ANXA8: variants seen among roughly 807,000 people sequenced by gnomAD.
ANXA8 encodes the protein VAC-beta.
A neutral mutation model predicts 26.8 loss-of-function variants in ANXA8; 9 were observed. The observed-to-expected ratio is 0.34, with a 90% CI of 0.20 to 0.59. ANXA8 has a LOEUF of 0.59. ANXA8 is among the 20% of genes least tolerant of loss of function. ANXA8 has a pLI of 0.84. For missense variants in ANXA8, 83 were observed against 238.5 expected (o/e 0.35, Z 4.29); for synonymous variants, 39 against 94.8 (o/e 0.41, Z 3.42).
the ANXA8 span, chr10:47,491,644 C>T: frequency 5.6e-5 from 86 of 1,540,506 alleles, 1 homozygote; most frequent in Admixed American, 2.4e-4. Flanking sequence ...GCCAGGCCCT[C>T]GGCAGCCAGC....
At chr10:47,988,806 C>T in the ANXA8 span, among the ~76,000 whole-genome samples, 8 of 151,902 alleles carry the variant, frequency 5.3e-5, no homozygotes, top group Non-Finnish European at 1.2e-4. Flanking sequence ...CTACTAGGCT[C>T]TCCTGTTCCC....
At chr10:47,735,543 G>A in the ANXA8 span, among the ~76,000 whole-genome samples, 1 of 146,398 alleles carries the variant, frequency 6.8e-6, no homozygotes, top group Non-Finnish European at 1.5e-5. Context: ...TTTTGTACAT[G>A]TGTCTGCTTT....
At chr10:47,952,005 G>C in the ANXA8 span, among the ~76,000 whole-genome samples, 1 of 150,302 alleles carries the variant, frequency 6.7e-6, no homozygotes, top group Non-Finnish European at 1.5e-5. Flanking sequence ...AGAAAACCCA[G>C]GTGATGATCT....
At chr10:47,511,148 T>C in the ANXA8 span, among the ~76,000 whole-genome samples, 1 of 133,802 alleles carries the variant, frequency 7.5e-6, no homozygotes, top group Admixed American at 7.6e-5. Context: ...TTTCACCGTG[T>C]TAGCCAGGAT....
At chr10:47,541,284 C>T in the ANXA8 span, among the ~76,000 whole-genome samples, 21 of 123,430 alleles carry the variant, frequency 1.7e-4, no homozygotes, top group Admixed American at 6.0e-4. Flanking sequence ...GCCAAGATCA[C>T]ACCACTGCAC....
the ANXA8 span, among the ~76,000 whole-genome samples, chr10:47,522,152 G>A: frequency 7.0e-6 from 1 of 142,330 alleles, no homozygotes; most frequent in Non-Finnish European, 1.5e-5. Flanking sequence ...CAAAGGGGGA[G>A]CCACGGCAAC....
chr10:47,554,984 A>G, the ANXA8 span, among the ~76,000 whole-genome samples: 3 of 151,394 alleles, frequency 2.0e-5, no homozygotes, highest in African/African-American at 7.3e-5. Flanking sequence ...TCCCTCCATG[A>G]TCAGACCTTA....
the ANXA8 span, among the ~76,000 whole-genome samples, chr10:47,656,082 G>C: frequency 1.3e-5 from 2 of 151,158 alleles, no homozygotes; most frequent in African/African-American, 4.9e-5. Context: ...GGAAAATTTA[G>C]TGAAGAAAAA....
At chr10:47,534,575 T>C in the ANXA8 span, among the ~76,000 whole-genome samples, 6 of 134,990 alleles carry the variant, frequency 4.4e-5, 1 homozygote, top group Non-Finnish European at 9.4e-5. Flanking sequence ...TCTTTTTTTT[T>C]CCTATTTATT....
the ANXA8 span, among the ~76,000 whole-genome samples, chr10:47,548,804 G>C: frequency 6.6e-6 from 1 of 151,830 alleles, no homozygotes. Context: ...AGAACCATCA[G>C]GAACAAGGGT....
At chr10:47,973,211 AG>A in the ANXA8 span, 48 of 150,398 alleles carry the variant, frequency 3.2e-4, 1 homozygote, top group African/African-American at 1.1e-3. Flanking sequence ...ATGCTTTAGC[AG>A]GAAAAACACA....
At chr10:47,743,351 TATACACATATATATATATAC>T in the ANXA8 span, among the ~76,000 whole-genome samples, 7 of 68,360 alleles carry the variant, frequency 1.0e-4, no homozygotes, top group Admixed American at 2.0e-4. Flanking sequence ...CATATATATA[TATACACATATATATATATAC>T]ATATATATGT....
intron 6 of ANXA8, 63 bp from the exon 7 acceptor site, chr10:47,475,067 G>A: frequency 6.6e-7 from 1 of 1,523,386 alleles, no homozygotes; most frequent in Non-Finnish European, 8.9e-7. Context: ...AGGGCACAGG[G>A]GGGATCCTGG....
the ANXA8 span, among the ~76,000 whole-genome samples, chr10:47,571,028 T>C: frequency 6.7e-6 from 1 of 150,096 alleles, no homozygotes; most frequent in South Asian, 2.1e-4. Context: ...CACACTTTTA[T>C]AGGAGTACCT....
chr10:47,744,028 G>A, the ANXA8 span, among the ~76,000 whole-genome samples: 1 of 147,996 alleles, frequency 6.8e-6, no homozygotes, highest in Non-Finnish European at 1.5e-5. Flanking sequence ...GAGACGTGCG[G>A]GGGGTAGGGA....
chr10:47,582,262 T>A, the ANXA8 span: 1 of 182,592 alleles, frequency 5.5e-6, no homozygotes, highest in Non-Finnish European at 1.2e-5. Context: ...TGTGGTCACG[T>A]GTTAGAGCAG....
the ANXA8 span, among the ~76,000 whole-genome samples, chr10:47,941,233 G>A: frequency 2.0e-5 from 3 of 146,508 alleles, no homozygotes; most frequent in Non-Finnish European, 3.0e-5. Context: ...ACACAGTTCA[G>A]GTAAGAAGCA....
the ANXA8 span, among the ~76,000 whole-genome samples, chr10:47,597,629 C>G: frequency 7.7e-6 from 1 of 129,822 alleles, no homozygotes; most frequent in South Asian, 2.4e-4. Context: ...AACTGAGAAC[C>G]AAATCAAGAA....
rs1284434693 is a variant in ANXA8, at chr10:47,481,495, G to A, written c.22-1607C>T. ...TGAAGGAAGCTTCACCCACAGGAAC[G>A]CAGGTCATCTGGGAATGTGGGAGGC... is the stretch of plus-strand genomic sequence containing the variant. On this transcript the variant is annotated intron_variant, in intron 1 of 11. Coordinates refer to ENST00000585281, the MANE Select transcript of ANXA8 (RefSeq NM_001040084.3). 8.5e-5 allele frequency among the ~76,000 whole-genome samples: 12 copies of A among 141,120 alleles called. 2 individuals carry two copies. Among genetic ancestry groups the A allele is most frequent in the Admixed American group, 3.6e-4 (5 of 13,978 alleles). The allele number at this position is 141,120 out of a possible 152,430, so 92.6% of individuals were successfully genotyped here.
Sources: gnomAD v4.1 joint callset for allele counts (sites outside exome capture counted in the v4.1 genomes callset) on GRCh38, gnomAD v4.1.1 for gene constraint, MANE v1.5 for transcripts, NCBI Gene and HGNC (gene_info 2026-07-23, HGNC 2026-07-21) for gene names.